Variants in HAT1 observed in about 807,000 individuals in gnomAD.
The protein encoded by HAT1 is histone acetyltransferase 1.
HAT1 carries 20 observed loss-of-function variants against 56.6 expected under a neutral mutation model. That is an observed-to-expected ratio of 0.35 (90% CI 0.25 to 0.51). The LOEUF is 0.51. Among genes scored for constraint, HAT1 ranks in the 20% least tolerant of loss-of-function variants. HAT1 has a pLI of 0.95. For missense variants in HAT1, 408 were observed against 504.3 expected (o/e 0.81, Z 1.83); for synonymous variants, 146 against 165.5 (o/e 0.88, Z 0.91).
intron 8 of HAT1, among the ~76,000 whole-genome samples, chr2:171,974,197 AAAAGAAAAAG>A (rs1687900768): frequency 5.8e-4 from 48 of 82,292 alleles, no homozygotes; most frequent in African/African-American, 1.6e-3. Context: ...AAAAAAGAAA[AAAAGAAAAAG>A]AAAAAAAAAA....
Position 171,946,748 on chromosome 2 carries a change from C to G in HAT1, c.153C>G (p.Phe51Leu). Residue 51 changes from phenylalanine (F) to leucine (L), a missense_variant, in exon 3 of 11, where the codon TTC becomes TTG. By Grantham distance (22) the Phe-to-Leu change is conservative. Transcript: ENST00000264108. The part of the protein sequence containing the change: ...PEDLENDIRT[F>L]FPEYTHQLFG... Reference sequence around the variant, plus strand: ...ATCTTGAAAATGACATTAGAACTTTCTTTCCTGAGTATACCCATCAACTCT... The same window carrying G: ...ATCTTGAAAATGACATTAGAACTTTGTTTCCTGAGTATACCCATCAACTCT... 1.9e-6 allele frequency: 3 copies of G among 1,583,990 alleles called. No homozygotes were observed. The highest frequency in any genetic ancestry group is 2.6e-6 in the Non-Finnish European group (3 of 1,158,036).
At chr2:171,975,745 T>G (rs1357083086) in intron 8 of HAT1, among the ~76,000 whole-genome samples, 1 of 152,124 alleles carries the variant, frequency 6.6e-6, no homozygotes, top group African/African-American at 2.4e-5. Flanking sequence ...TTGTTTTCTC[T>G]CTTTTTTTTC....
rs1361527377 is a variant in HAT1, at chr2:171,938,791, A to G, written c.113-7917A>G. Among the ~76,000 whole-genome samples the G allele has an allele frequency of 2.6e-5, 4 of 151,980 alleles. 1 individual carries two copies. The highest frequency in any genetic ancestry group is 5.9e-5 in the Non-Finnish European group (4 of 67,990). ...GGTCTTGCTCTATTGTCCACACTAC[A>G]GTGCAGTGGTGCAGTCTCAGCTCAC... On this transcript the variant is annotated intron_variant, in intron 2 of 10. Coordinates refer to ENST00000264108, the MANE Select transcript of HAT1 (RefSeq NM_003642.4).
intron 8 of HAT1, among the ~76,000 whole-genome samples, chr2:171,970,749 AC>A (rs1378517396): frequency 6.7e-6 from 1 of 149,774 alleles, no homozygotes. Flanking sequence ...CGAACTCCTA[AC>A]CTTGTGACCC....
chr2:171,927,733 A>G (rs1574031540), intron 2 of HAT1, among the ~76,000 whole-genome samples: 3 of 152,192 alleles, frequency 2.0e-5, no homozygotes, highest in African/African-American at 7.2e-5. Flanking sequence ...GATTACAGGC[A>G]TGTGCCACCA....
At chr2:171,964,631 A>C (rs1156701765) in intron 4 of HAT1, among the ~76,000 whole-genome samples, 7 of 152,128 alleles carry the variant, frequency 4.6e-5, no homozygotes, top group Non-Finnish European at 8.8e-5. Context: ...GGGATTTTGA[A>C]AAGGATTATG....
chr2:171,966,018 GA>G (rs1247426179), intron 6 of HAT1, 110 bp downstream of exon 6: 2 of 989,562 alleles, frequency 2.0e-6, no homozygotes, highest in African/African-American at 3.3e-5. Context: ...TCCCAGGAAA[GA>G]AAAACTATTG....
At chr2:171,924,583 T>C (rs1272279492) in intron 1 of HAT1, 1 of 152,230 alleles carries the variant, frequency 6.6e-6, no homozygotes, top group Non-Finnish European at 1.5e-5. Context: ...TTATTTATTA[T>C]GTATATTATT....
At chr2:171,949,076 A>G (rs997683349) in intron 3 of HAT1, among the ~76,000 whole-genome samples, 2 of 152,186 alleles carry the variant, frequency 1.3e-5, no homozygotes, top group African/African-American at 4.8e-5. Context: ...GTATTTTACT[A>G]TGATGATTGT....
intron 3 of HAT1, among the ~76,000 whole-genome samples, chr2:171,947,554 C>T (rs1485663289): frequency 6.6e-6 from 1 of 152,128 alleles, no homozygotes. Context: ...CTGTACCTGC[C>T]CTGAAGTTTA....
At chr2:171,945,008 AT>A (rs907304748) in intron 2 of HAT1, among the ~76,000 whole-genome samples, 1 of 152,062 alleles carries the variant, frequency 6.6e-6, no homozygotes, top group African/African-American at 2.4e-5. Context: ...AGTAGTTGGG[AT>A]TATAGGGACC....
At chr2:171,939,150 A>C (rs1182238411) in intron 2 of HAT1, among the ~76,000 whole-genome samples, 1 of 152,188 alleles carries the variant, frequency 6.6e-6, no homozygotes, top group African/African-American at 2.4e-5. Context: ...TCACGGATCC[A>C]TTCCTTCCCA....
intron 2 of HAT1, among the ~76,000 whole-genome samples, chr2:171,928,577 C>T (rs904215336): frequency 1.5e-4 from 23 of 152,026 alleles, no homozygotes; most frequent in African/African-American, 5.1e-4. Flanking sequence ...GGCATGATTG[C>T]GGCTCAATGC....
At chr2:171,956,322 G>A (rs755028499) in intron 4 of HAT1, among the ~76,000 whole-genome samples, 6 of 151,382 alleles carry the variant, frequency 4.0e-5, no homozygotes, top group Non-Finnish European at 7.4e-5. Flanking sequence ...ATCTCTACAC[G>A]CACACACGCA....
chr2:171,965,837 C>T lies in HAT1; in HGVS notation c.540C>T (p.Thr180=). The change falls in exon 6 of 11, where the codon ACC becomes ACT. Residue 180 remains threonine (T), a synonymous_variant. Coordinates refer to ENST00000264108, the MANE Select transcript of HAT1 (RefSeq NM_003642.4). ...GFREYHERLQ[T]FLMWFIETAS... ...GAGAATATCATGAAAGGCTTCAGACCTTTTTGATGTGGTTTATTGAAACTG... is the reference window on the plus strand; with the variant it reads ...GAGAATATCATGAAAGGCTTCAGACTTTTTTGATGTGGTTTATTGAAACTG... 6.2e-7 allele frequency: 1 copy of T among 1,612,012 alleles called. No homozygotes were observed. The highest frequency in any genetic ancestry group is 1.3e-5 in the African/African-American group (1 of 74,970).
At chr2:171,980,867 A>G (rs908281659) in intron 10 of HAT1, 12 of 141,834 alleles carry the variant, frequency 8.5e-5, no homozygotes, top group African/African-American at 3.5e-4. Context: ...AAAAAAAAAA[A>G]AAAATTTAAA....
intron 2 of HAT1, among the ~76,000 whole-genome samples, chr2:171,934,331 C>G (rs1686813220): frequency 6.6e-6 from 1 of 152,082 alleles, no homozygotes; most frequent in Non-Finnish European, 1.5e-5. Context: ...GAGTAATATC[C>G]TTGACAATGT....
chr2:171,939,489 C>T (rs1478945117), intron 2 of HAT1, among the ~76,000 whole-genome samples: 5 of 152,198 alleles, frequency 3.3e-5, no homozygotes, highest in African/African-American at 1.2e-4. Flanking sequence ...AATGTGCTGC[C>T]CGTGGTGACT....
At chr2:171,957,783 CAT>C (rs1368675578) in intron 4 of HAT1, among the ~76,000 whole-genome samples, 1 of 152,148 alleles carries the variant, frequency 6.6e-6, no homozygotes, top group Non-Finnish European at 1.5e-5. Context: ...GTCACTAAAT[CAT>C]ATTTATAAAA....
Sources: gnomAD v4.1 joint callset for allele counts (sites outside exome capture counted in the v4.1 genomes callset) on GRCh38, gnomAD v4.1.1 for gene constraint, MANE v1.5 for transcripts, NCBI Gene and HGNC (gene_info 2026-07-23, HGNC 2026-07-21) for gene names.